The following HMCN1 variants were observed in gnomAD, a reference collection of about 807,000 sequenced individuals.
HMCN1 encodes the protein hemicentin-1.
A neutral mutation model predicts 625.9 loss-of-function variants in HMCN1; 321 were observed. The ratio of observed to expected loss-of-function variants is 0.51; its 90% CI spans 0.47 to 0.56. The LOEUF (loss-of-function observed/expected upper bound fraction) is 0.56. Ranked by LOEUF, HMCN1 falls within the 20% of genes least tolerant of loss-of-function variation. The pLI, the probability that HMCN1 is intolerant of heterozygous loss-of-function variation, is 0.00. For missense variants in HMCN1, 6,588 were observed against 6,887.3 expected (o/e 0.96, Z 1.54); for synonymous variants, 2,425 against 2,417.6 (o/e 1.00, Z -0.09).
At chr1:186,037,179 G>T (rs1655888654) in intron 36 of HMCN1, among the ~76,000 whole-genome samples, 1 of 151,564 alleles carries the variant, frequency 6.6e-6, no homozygotes, top group Non-Finnish European at 1.5e-5. Context: ...ATCAACTTCA[G>T]ATACTAATTT....
At chr1:185,928,755 A>G (rs566733380) in intron 10 of HMCN1, 88 bp downstream of exon 10, 5 of 1,356,020 alleles carry the variant, frequency 3.7e-6, no homozygotes, top group East Asian at 2.5e-5. Context: ...TGTTTATACA[A>G]TTGTCTTTGC....
intron 105 of HMCN1, among the ~76,000 whole-genome samples, chr1:186,186,028 T>C (rs1435551181): frequency 6.6e-6 from 1 of 152,226 alleles, no homozygotes; most frequent in African/African-American, 2.4e-5. Flanking sequence ...ATTATGGCGT[T>C]GTTATACAGA....
chr1:185,762,222 G>A (rs1488233954), intron 1 of HMCN1, among the ~76,000 whole-genome samples: 1 of 152,178 alleles, frequency 6.6e-6, no homozygotes, highest in Non-Finnish European at 1.5e-5. Flanking sequence ...TTCAAAGGGG[G>A]CTGCCTTGAT....
intron 2 of HMCN1, among the ~76,000 whole-genome samples, chr1:185,856,352 T>A (rs1662462606): frequency 6.6e-6 from 1 of 151,992 alleles, no homozygotes; most frequent in Non-Finnish European, 1.5e-5. Context: ...TAGCCAGGCA[T>A]GGTGGCGGGC....
rs115538802 is a variant in HMCN1 at position 186,121,965 on chromosome 1, T to A, written c.12230-986T>A. ...GAGTGAACGGCTTTGTTAAATGCAG[T>A]TGAGTCAAGTAGGATAAGGACCCAA... On this transcript the variant is annotated intron_variant, in intron 80 of 106. Coordinates refer to ENST00000271588, the MANE Select transcript of HMCN1 (RefSeq NM_031935.3). Among the ~76,000 whole-genome samples the A allele has an allele frequency of 7.4e-3, 1,132 of 152,252 alleles. 10 individuals carry two copies. The highest frequency in any genetic ancestry group is 0.028 in the South Asian group (135 of 4,828).
chr1:186,156,828 TTAACAAA>T (rs1651057019), intron 97 of HMCN1, among the ~76,000 whole-genome samples: 1 of 152,206 alleles, frequency 6.6e-6, no homozygotes, highest in Non-Finnish European at 1.5e-5. Flanking sequence ...ATTTATTCAT[TTAACAAA>T]TATTTGTTGA....
chr1:186,123,208 C>CTCACCG lies in HMCN1; in HGVS notation c.12490_12495dup (p.Thr4164_Val4165dup). 1 of 1,613,726 alleles carries CTCACCG rather than the reference C, an allele frequency of 6.2e-7. No homozygotes were observed. Among genetic ancestry groups the CTCACCG allele is most frequent in the Non-Finnish European group, 8.5e-7 (1 of 1,179,818 alleles). On this transcript the variant is annotated inframe_insertion, in exon 81 of 107. Transcript: ENST00000271588. ...AGGATCAAGCAGCACAAGCACCAAG[C>CTCACCG]TCACCGTCCATGGTAGGTTGTTTAA...
intron 89 of HMCN1, among the ~76,000 whole-genome samples, chr1:186,141,521 T>A (rs180775610): frequency 9.2e-5 from 14 of 152,316 alleles, no homozygotes; most frequent in Admixed American, 6.5e-4. Context: ...AAGATTGATA[T>A]CTTCGGTGAT....
intron 97 of HMCN1, among the ~76,000 whole-genome samples, chr1:186,160,683 G>A (rs1160898340): frequency 6.6e-6 from 1 of 152,198 alleles, no homozygotes; most frequent in Non-Finnish European, 1.5e-5. Flanking sequence ...TATGTACCCA[G>A]TAGTCATTCA....
intron 85 of HMCN1, among the ~76,000 whole-genome samples, chr1:186,131,278 G>A (rs1257003151): frequency 6.6e-6 from 1 of 152,040 alleles, no homozygotes; most frequent in Non-Finnish European, 1.5e-5. Flanking sequence ...ACCAGTCTTA[G>A]TCTTTTAGTC....
At chr1:186,176,071 T>C (rs756545743) in intron 103 of HMCN1, among the ~76,000 whole-genome samples, 28 of 152,148 alleles carry the variant, frequency 1.8e-4, no homozygotes, top group Non-Finnish European at 3.2e-4. Context: ...AATTAAAGAA[T>C]TTGGTTTTCA....
intron 4 of HMCN1, among the ~76,000 whole-genome samples, chr1:185,880,854 T>G (rs1238371436): frequency 6.6e-6 from 1 of 151,972 alleles, no homozygotes; most frequent in East Asian, 1.9e-4. Flanking sequence ...AAGAAAGGAG[T>G]TGTCTTTCTG....
chr1:185,811,432 A>C (rs755776179), intron 1 of HMCN1, among the ~76,000 whole-genome samples: 34 of 152,202 alleles, frequency 2.2e-4, no homozygotes, highest in Non-Finnish European at 3.1e-4. Context: ...TCTAAAAAAA[A>C]AAATGAATTT....
At chr1:185,927,332 A>G (rs574746747) in intron 9 of HMCN1, among the ~76,000 whole-genome samples, 43 of 152,326 alleles carry the variant, frequency 2.8e-4, no homozygotes, top group Admixed American at 2.2e-3. Context: ...TACAGCTTAC[A>G]TGATCAGTGT....
rs80350221 is a variant in HMCN1, at chr1:186,082,316, C to T, written c.8788-549C>T. ...CTGCTGGTTTGCTAGATGATTCTTC[C>T]GGATGTGGCCTTGGCTGGGATCGCA... On this transcript the variant is annotated intron_variant, in intron 56 of 106. Transcript: ENST00000271588. Among the ~76,000 whole-genome samples, 16 of 152,260 alleles carry T rather than the reference C, an allele frequency of 1.1e-4. No individual in the cohort carries two copies. In the East Asian group the frequency reaches 2.3e-3, roughly 22 times the overall value.
chr1:185,759,967 C>G (rs894978880), intron 1 of HMCN1, among the ~76,000 whole-genome samples: 1 of 152,110 alleles, frequency 6.6e-6, no homozygotes, highest in African/African-American at 2.4e-5. Context: ...TAATGACGAG[C>G]AAATAACAAA....
intron 11 of HMCN1, among the ~76,000 whole-genome samples, chr1:185,935,362 G>C (rs1234378250): frequency 6.6e-6 from 1 of 151,968 alleles, no homozygotes; most frequent in African/African-American, 2.4e-5. Context: ...GTTTCCATAG[G>C]TCTAGTGTGT....
intron 47 of HMCN1, 50 bp downstream of exon 47, chr1:186,062,014 C>A (rs1397305003): frequency 1.7e-6 from 2 of 1,151,176 alleles, no homozygotes; most frequent in Non-Finnish European, 2.6e-6. Context: ...TGCCTTAAAT[C>A]CTGGAAGCAG....
intron 14 of HMCN1, among the ~76,000 whole-genome samples, chr1:185,966,510 G>A (rs1300724131): frequency 6.6e-6 from 1 of 152,078 alleles, no homozygotes; most frequent in Non-Finnish European, 1.5e-5. Context: ...TGTCCTTGGT[G>A]AGATACACTT....
Sources: gnomAD v4.1 joint callset for allele counts (sites outside exome capture counted in the v4.1 genomes callset) on GRCh38, gnomAD v4.1.1 for gene constraint, MANE v1.5 for transcripts, NCBI Gene and HGNC (gene_info 2026-07-23, HGNC 2026-07-21) for gene names.